GPR141: variants seen among roughly 807,000 people sequenced by gnomAD.
GPR141 encodes probable G protein-coupled receptor 141.
A neutral mutation model predicts 6.8 loss-of-function variants in GPR141; 6 were observed. The observed-to-expected ratio is 0.88, with a 90% CI of 0.48 to 1.74. The LOEUF is 1.74. Ranked by LOEUF, GPR141 falls within the 40% of genes most tolerant of loss-of-function variation. The pLI is 0.01. For synonymous variants in GPR141, 140 were observed against 142.3 expected (o/e 0.98, Z 0.11); for missense variants, 372 against 372.9 (o/e 1.00, Z 0.02).
intron 2 of GPR141, among the ~76,000 whole-genome samples, chr7:37,716,243 T>C (rs1315041993): frequency 2.0e-5 from 3 of 152,222 alleles, no homozygotes; most frequent in Admixed American, 6.5e-5. Context: ...CTGTCCAGGC[T>C]GCCTATAATT....
chr7:37,685,328 T>C (rs1325176753), intron 1 of GPR141, 132 bp from the exon 2 acceptor site: 1 of 152,210 alleles, frequency 6.6e-6, no homozygotes, highest in Non-Finnish European at 1.5e-5. Context: ...TTCTTCCTTT[T>C]GTGCGTGTGT....
At chr7:37,723,725 G>T (rs929861516) in intron 2 of GPR141, among the ~76,000 whole-genome samples, 2 of 152,200 alleles carry the variant, frequency 1.3e-5, no homozygotes, top group African/African-American at 4.8e-5. Flanking sequence ...GTCTTTTGAG[G>T]TTGGGTGGAT....
chr7:37,704,405 G>A (rs900013530), intron 2 of GPR141, among the ~76,000 whole-genome samples: 6 of 152,106 alleles, frequency 3.9e-5, no homozygotes, highest in African/African-American at 1.4e-4. Flanking sequence ...TTACAATCGT[G>A]GCAGAAGGCA....
chr7:37,702,709 A>G (rs1281697083), intron 2 of GPR141, among the ~76,000 whole-genome samples: 1 of 151,044 alleles, frequency 6.6e-6, no homozygotes, highest in Admixed American at 6.6e-5. Context: ...CACAATGTGC[A>G]CATGTACCCT....
intron 2 of GPR141, among the ~76,000 whole-genome samples, chr7:37,696,583 T>C (rs1810026147): frequency 6.6e-6 from 1 of 151,874 alleles, no homozygotes; most frequent in South Asian, 2.1e-4. Context: ...GGACCACTGA[T>C]GTGCACATAT....
intron 2 of GPR141, among the ~76,000 whole-genome samples, chr7:37,687,761 C>G (rs1031074853): frequency 1.3e-5 from 2 of 152,210 alleles, no homozygotes; most frequent in South Asian, 4.1e-4. Flanking sequence ...ACACTCCTCT[C>G]GCTTCGACTG....
intron 2 of GPR141, among the ~76,000 whole-genome samples, chr7:37,722,599 G>A (rs1407716836): frequency 6.6e-6 from 1 of 151,866 alleles, no homozygotes; most frequent in Non-Finnish European, 1.5e-5. Flanking sequence ...GCAGGTGCCT[G>A]TAATCCCAGC....
At chr7:37,691,712 G>T (rs1435331429) in intron 2 of GPR141, among the ~76,000 whole-genome samples, 1 of 152,140 alleles carries the variant, frequency 6.6e-6, no homozygotes, top group African/African-American at 2.4e-5. Flanking sequence ...CTGGTGAGTG[G>T]TAGTAAATTC....
intron 2 of GPR141, among the ~76,000 whole-genome samples, chr7:37,722,979 CTTCTTTCT>C (rs1198501965): frequency 1.3e-5 from 1 of 77,736 alleles, no homozygotes; most frequent in Admixed American, 1.3e-4. Flanking sequence ...TCCTTCCTTC[CTTCTTTCT>C]TTCTTTCTTT....
At chr7:37,720,156 G>A (rs1351745215) in intron 2 of GPR141, among the ~76,000 whole-genome samples, 6 of 152,188 alleles carry the variant, frequency 3.9e-5, no homozygotes, top group Admixed American at 2.0e-4. Context: ...CAGGGCCTGG[G>A]AGGTGAACCA....
rs1810307397 is a variant in GPR141, at chr7:37,702,237, T to C, written c.-15+16654T>C. Among the ~76,000 whole-genome samples the C allele has an allele frequency of 2.6e-5, 4 of 152,186 alleles. No homozygotes were observed. The South Asian group carries it at 8.3e-4, about 32-fold the overall frequency. ...GTACACAAATTATATATTGATAAAATGTACATCTATTTCTGCCTTTTAGTT... is the reference window on the plus strand; with the variant it reads ...GTACACAAATTATATATTGATAAAACGTACATCTATTTCTGCCTTTTAGTT... On this transcript the variant is annotated intron_variant, in intron 2 of 2. Coordinates refer to ENST00000334425, the MANE Select transcript of GPR141 (RefSeq NM_001381946.1).
rs1812505132 is a variant in GPR141, at chr7:37,740,749, A to G, written c.356A>G (p.Lys119Arg). The stretch of plus-strand genomic sequence containing the variant: ...GTCACCAGATACCTCATCTTCTTCA[A>G]GTGCAAAGACAAAGTGGAATTCTAC... ...ILVTRYLIFF[K>R]CKDKVEFYRK... Residue 119 changes from lysine to arginine, a missense_variant, in exon 3 of 3, where the codon AAG (lysine) becomes AGG (arginine). Coordinates refer to ENST00000334425, the MANE Select transcript of GPR141 (RefSeq NM_001381946.1). 6.2e-7 allele frequency: 1 copy of G among 1,614,102 alleles called. No individual in the cohort carries two copies. The highest frequency in any genetic ancestry group is 8.5e-7 in the Non-Finnish European group (1 of 1,180,002).
rs963355284 is a variant in GPR141, at chr7:37,742,307, G to C, written c.*996G>C. Among the ~76,000 whole-genome samples, 1 of 151,876 alleles carries C rather than the reference G, an allele frequency of 6.6e-6. No homozygotes were observed. Among genetic ancestry groups the C allele is most frequent in the African/African-American group, 2.4e-5 (1 of 41,348 alleles). On this transcript the variant is annotated 3_prime_UTR_variant, in exon 3 of 3. Transcript: ENST00000334425. ...GTACATGTGCAGAATGTGCAGGTTT[G>C]TTACATAGGTATACACGTGCCATGG...
intron 2 of GPR141, among the ~76,000 whole-genome samples, chr7:37,686,600 T>A (rs1457803214): frequency 6.6e-6 from 1 of 151,604 alleles, no homozygotes; most frequent in East Asian, 1.9e-4. Flanking sequence ...GTACCCAGCA[T>A]CTTTGGAATG....
chr7:37,741,474 ATCCC>A lies in GPR141; in HGVS notation c.*168_*171del. On this transcript the variant is annotated 3_prime_UTR_variant, in exon 3 of 3. Coordinates refer to ENST00000334425, the MANE Select transcript of GPR141 (RefSeq NM_001381946.1). ...GAGCCCTCATTGTAGTCCTTATGGG[ATCCC>A]TCCCATCTCTGAGTGATGGCCGTAC... 1 of 573,344 alleles carries A rather than the reference ATCCC, an allele frequency of 1.7e-6. No homozygotes were observed. The highest frequency in any genetic ancestry group is 3.0e-6 in the Non-Finnish European group (1 of 328,918). 35.5% of individuals were successfully genotyped at this position (573,344 alleles called of 1,614,324 possible).
At chr7:37,716,349 A>G (rs1237120162) in intron 2 of GPR141, among the ~76,000 whole-genome samples, 1 of 152,186 alleles carries the variant, frequency 6.6e-6, no homozygotes, top group Non-Finnish European at 1.5e-5. Flanking sequence ...TGAGAAGGAG[A>G]ATTACTTTTT....
At chr7:37,710,463 T>C (rs55892598) in intron 2 of GPR141, among the ~76,000 whole-genome samples, 5,224 of 152,298 alleles carry the variant, frequency 0.034, 129 homozygotes, top group South Asian at 0.076. Flanking sequence ...TTTTGGTATA[T>C]ATCTCTACAA....
In GPR141 at chr7:37,741,245, C is replaced by G; in HGVS notation, c.852C>G (p.Val284=). 3 of 1,611,494 alleles carry G rather than the reference C, an allele frequency of 1.9e-6. No homozygotes were observed. The highest frequency in any genetic ancestry group is 2.5e-6 in the Non-Finnish European group (3 of 1,178,032). ...AISCYDLLLF[V]FGGSHWFKQK... ...GCTGCTATGATTTGCTTCTCTTTGT[C>G]TTTGGGGGAAGCCATTGGTTTAAGC... Residue 284 remains valine (V), a synonymous_variant, in exon 3 of 3, where the codon GTC becomes GTG. Coordinates refer to ENST00000334425, the MANE Select transcript of GPR141 (RefSeq NM_001381946.1).
intron 2 of GPR141, among the ~76,000 whole-genome samples, chr7:37,724,104 C>T (rs954254184): frequency 6.6e-6 from 1 of 152,098 alleles, no homozygotes; most frequent in Non-Finnish European, 1.5e-5. Context: ...GTTTCAGCTC[C>T]CACTTCCCTT....
Sources: allele counts gnomAD v4.1 joint callset (sites outside exome capture counted in the v4.1 genomes callset), GRCh38; gene constraint gnomAD v4.1.1; transcripts MANE v1.5; gene names NCBI Gene and HGNC (gene_info 2026-07-23, HGNC 2026-07-21).